UBXN4: variants seen among roughly 807,000 people sequenced by gnomAD.
The protein encoded by UBXN4 is UBX domain-containing protein 4.
Under a neutral mutation model 66.2 loss-of-function variants are expected in UBXN4, and 35 were observed. The ratio of observed to expected loss-of-function variants is 0.53; its 90% CI spans 0.40 to 0.70. UBXN4 has a LOEUF of 0.70. UBXN4 is among the 30% of genes least tolerant of loss of function. The pLI, the probability that UBXN4 is intolerant of heterozygous loss-of-function variation, is 0.00. For synonymous variants in UBXN4, 203 were observed against 204.5 expected (o/e 0.99, Z 0.06); for missense variants, 533 against 599.8 (o/e 0.89, Z 1.16).
chr2:135,742,102 C>T, intron 1 of UBXN4, 91 bp downstream of exon 1: 1 of 1,441,528 alleles, frequency 6.9e-7, no homozygotes, highest in Non-Finnish European at 9.4e-7. Context: ...CCCGCCCTCC[C>T]CGAGACGCGG....
intron 2 of UBXN4, among the ~76,000 whole-genome samples, chr2:135,748,939 G>C (rs1348257594): frequency 6.6e-6 from 1 of 152,012 alleles, no homozygotes; most frequent in Non-Finnish European, 1.5e-5. Flanking sequence ...GGGGGGCTGA[G>C]GTAAGAGGAT....
At chr2:135,772,365 T>C in intron 8 of UBXN4, 55 bp from the exon 9 acceptor site, 3 of 1,582,336 alleles carry the variant, frequency 1.9e-6, no homozygotes, top group Non-Finnish European at 1.7e-6. Flanking sequence ...TTTGGAATTG[T>C]GTGAATTAAC....
chr2:135,769,663 T>G, intron 6 of UBXN4, 106 bp from the exon 7 acceptor site: 1 of 863,256 alleles, frequency 1.2e-6, no homozygotes, highest in East Asian at 3.0e-5. Context: ...TTTGTTTGTT[T>G]GTTTCTTTAT....
At chr2:135,779,953 A>C (rs1258889621) in intron 11 of UBXN4, among the ~76,000 whole-genome samples, 1 of 148,536 alleles carries the variant, frequency 6.7e-6, no homozygotes. Context: ...TACAGTTATT[A>C]TACAATTATA....
chr2:135,741,934 T>C lies in UBXN4; in HGVS notation c.5T>C (p.Leu2Pro), dbSNP rs999443207. The C allele has an allele frequency of 3.7e-6, 6 of 1,612,546 alleles. No homozygotes were observed. The highest frequency in any genetic ancestry group is 4.2e-6 in the Non-Finnish European group (5 of 1,179,410). Residue 2 changes from leucine to proline, a missense_variant, in exon 1 of 13, where the codon CTG becomes CCG. By Grantham distance (98) the Leu-to-Pro change is moderately conservative. This residue lies in a region of UBXN4 where 529 missense variants were observed against 580.1 expected (regional missense o/e 0.91). Transcript: ENST00000272638. M[L>P]WFQGAIPAAI... is the part of the protein sequence containing the mutation. The stretch of plus-strand genomic sequence containing the variant: ...CGCCTGGGCCCGAAGGGAGCGATGC[T>C]GTGGTTCCAGGGCGCCATTCCGGCC...
chr2:135,760,168 A>G (rs1045800802), intron 5 of UBXN4, among the ~76,000 whole-genome samples: 9 of 152,106 alleles, frequency 5.9e-5, no homozygotes, highest in African/African-American at 1.7e-4. Context: ...GCCAGGTACA[A>G]TGGCTCATGC....
intron 9 of UBXN4, among the ~76,000 whole-genome samples, chr2:135,773,289 CTTT>C (rs2077394695): frequency 1.3e-5 from 2 of 152,154 alleles, no homozygotes; most frequent in East Asian, 3.9e-4. Flanking sequence ...TTCTCTCTCT[CTTT>C]TTAATTCTTG....
intron 9 of UBXN4, among the ~76,000 whole-genome samples, chr2:135,773,027 A>G (rs2077392979): frequency 8.3e-6 from 1 of 120,916 alleles, no homozygotes; most frequent in Non-Finnish European, 1.6e-5. Flanking sequence ...ACAGAGCGAG[A>G]CTCCGTCCCC....
intron 2 of UBXN4, among the ~76,000 whole-genome samples, chr2:135,748,895 G>T (rs1400016203): frequency 6.6e-6 from 1 of 151,640 alleles, no homozygotes; most frequent in African/African-American, 2.4e-5. Flanking sequence ...AATTAGCCGG[G>T]TGTGGTGGCA....
intron 12 of UBXN4, among the ~76,000 whole-genome samples, chr2:135,781,515 G>A (rs1024789022): frequency 4.6e-5 from 7 of 152,036 alleles, no homozygotes; most frequent in African/African-American, 1.5e-4. Flanking sequence ...TTTTTTCTCT[G>A]CCCTCAGTAT....
At chr2:135,761,640 A>T (rs536846046) in intron 5 of UBXN4, among the ~76,000 whole-genome samples, 178 bp from the exon 6 acceptor site, 32 of 152,320 alleles carry the variant, frequency 2.1e-4, no homozygotes, top group African/African-American at 7.5e-4. Flanking sequence ...GAACAATTTT[A>T]TCCACGTCTA....
At chr2:135,755,337 G>A (rs2077272867) in intron 4 of UBXN4, among the ~76,000 whole-genome samples, 180 bp from the exon 5 acceptor site, 1 of 152,168 alleles carries the variant, frequency 6.6e-6, no homozygotes, top group South Asian at 2.1e-4. Flanking sequence ...CCAGCTTGCA[G>A]GTAAATTCCA....
At position 135,748,386 on chromosome 2, in the gene UBXN4, A is replaced by G. The variant is rs1459210147; in HGVS notation, c.185+17A>G. On this transcript the variant is annotated intron_variant, in intron 2 of 12. Coordinates refer to ENST00000272638, the MANE Select transcript of UBXN4 (RefSeq NM_014607.4). ...TACCAAAAGGTTTGTTTATGTTTTA[A>G]TATTTTATTAATTTTAAAATTTATA... 6.6e-6 allele frequency: 10 copies of G among 1,511,790 alleles called. No homozygotes were observed. The highest frequency in any genetic ancestry group is 2.4e-5 in the East Asian group (1 of 41,048). 93.6% of individuals were successfully genotyped at this position (1,511,790 alleles called of 1,614,324 possible).
At chr2:135,749,771 T>C (rs2105492405) in intron 2 of UBXN4, among the ~76,000 whole-genome samples, 1 of 152,352 alleles carries the variant, frequency 6.6e-6, no homozygotes, top group East Asian at 1.9e-4. Context: ...TTTATTGCAG[T>C]TTTTTAGTTC....
At chr2:135,752,326 C>T (rs571122379) in intron 2 of UBXN4, among the ~76,000 whole-genome samples, 13 of 152,100 alleles carry the variant, frequency 8.5e-5, no homozygotes, top group East Asian at 3.9e-4. Flanking sequence ...GGATTACAGG[C>T]GTGAGCCACC....
chr2:135,755,542 C>T lies in UBXN4; in HGVS notation c.359C>T (p.Ser120Leu), dbSNP rs775765675. The T allele has an allele frequency of 3.8e-6, 6 of 1,594,922 alleles. No individual in the cohort carries two copies. The highest frequency in any genetic ancestry group is 3.5e-5 in the Admixed American group (2 of 57,520). Residue 120 changes from serine to leucine, a missense_variant, in exon 5 of 13, where the codon TCA becomes TTA. By Grantham distance (145) the Ser-to-Leu change is moderately radical. Coordinates refer to ENST00000272638, the MANE Select transcript of UBXN4 (RefSeq NM_014607.4). ...RQMHLLKSET[S>L]VANGSQSESS... The stretch of plus-strand genomic sequence containing the variant: ...ATGCATTTGCTAAAAAGTGAAACAT[C>T]AGTAGCAAATGGCAGTCAGTCAGAA...
At chr2:135,743,841 G>A (rs879351727) in intron 1 of UBXN4, among the ~76,000 whole-genome samples, 5 of 143,714 alleles carry the variant, frequency 3.5e-5, no homozygotes, top group Admixed American at 7.0e-5. Flanking sequence ...AAAGTTATAG[G>A]TCTTGCCTTT....
chr2:135,762,765 G>A (rs570592084), intron 6 of UBXN4, among the ~76,000 whole-genome samples: 2 of 152,288 alleles, frequency 1.3e-5, no homozygotes, highest in East Asian at 3.9e-4. Flanking sequence ...AGTGGTATAA[G>A]CCTAGAAGAA....
intron 2 of UBXN4, among the ~76,000 whole-genome samples, chr2:135,749,946 A>G (rs147721085): frequency 8.5e-5 from 13 of 152,244 alleles, no homozygotes; most frequent in African/African-American, 2.9e-4. Context: ...GTTGACTGCA[A>G]TGTGTTAGTG....
Sources: allele counts gnomAD v4.1 joint callset (sites outside exome capture counted in the v4.1 genomes callset), GRCh38; gene constraint gnomAD v4.1.1; regional missense constraint gnomAD v4.1.1; transcripts MANE v1.5; gene names NCBI Gene and HGNC (gene_info 2026-07-23, HGNC 2026-07-21).